TMEM71: variants seen among roughly 807,000 people sequenced by gnomAD.
TMEM71 encodes transmembrane protein 71.
TMEM71 carries 44 observed loss-of-function variants against 38.0 expected under a neutral mutation model. The observed-to-expected ratio is 1.16, with a 90% CI of 0.91 to 1.49. TMEM71 has a LOEUF of 1.49. Among genes scored for constraint, TMEM71 ranks in the 40% most tolerant of loss-of-function variants. The pLI is 0.00. For missense variants in TMEM71, 367 were observed against 348.6 expected, an observed-to-expected ratio of 1.05 and a Z score of -0.42; for synonymous variants, 133 against 122.5, an observed-to-expected ratio of 1.09 and a Z score of -0.56.
intron 5 of TMEM71, among the ~76,000 whole-genome samples, chr8:132,738,503 T>C (rs780846888): frequency 8.5e-5 from 13 of 152,342 alleles, no homozygotes; most frequent in Non-Finnish European, 1.5e-4. Context: ...TTGATTTTAA[T>C]TGCCTCAGAG....
chr8:132,718,922 C>T (rs1826687081), intron 7 of TMEM71, among the ~76,000 whole-genome samples: 1 of 151,856 alleles, frequency 6.6e-6, no homozygotes, highest in Non-Finnish European at 1.5e-5. Context: ...CGAATAAATA[C>T]AAAAAGGAAA....
intron 9 of TMEM71, among the ~76,000 whole-genome samples, chr8:132,713,671 C>T (rs976717668): frequency 5.3e-5 from 8 of 152,164 alleles, no homozygotes; most frequent in Non-Finnish European, 7.4e-5. Context: ...TATTTGGGAA[C>T]GTCTAACACA....
chr8:132,756,411 T>TTATATATATATA (rs55767264), intron 3 of TMEM71, among the ~76,000 whole-genome samples: 2,623 of 115,360 alleles, frequency 0.023, 47 homozygotes, highest in African/African-American at 0.03. Context: ...AACATATATA[T>TTATATATATATA]TATATATATA....
At chr8:132,725,915 A>G (rs1827118259) in intron 6 of TMEM71, among the ~76,000 whole-genome samples, 2 of 152,226 alleles carry the variant, frequency 1.3e-5, no homozygotes, top group Admixed American at 1.3e-4. Context: ...CTTGGCAAAG[A>G]GTACAAAGGT....
chr8:132,746,315 T>G (rs1194371756), intron 5 of TMEM71, among the ~76,000 whole-genome samples: 1 of 148,832 alleles, frequency 6.7e-6, no homozygotes, highest in Non-Finnish European at 1.5e-5. Context: ...TGAATATATA[T>G]TATATTTCAA....
At chr8:132,748,368 G>C (rs73708362) in intron 4 of TMEM71, among the ~76,000 whole-genome samples, 1 of 152,206 alleles carries the variant, frequency 6.6e-6, no homozygotes, top group African/African-American at 2.4e-5. Context: ...CAGGGAAGGA[G>C]TGCTCCTGGC....
At position 132,751,903 on chromosome 8, in the gene TMEM71, T is replaced by C. The variant is rs1828734343; in HGVS notation, c.196A>G (p.Arg66Gly). Residue 66 changes from arginine to glycine, a missense_variant, in exon 4 of 10, where the codon AGA (arginine) becomes GGA (glycine). By Grantham distance (125) the Arg-to-Gly change is moderately radical (BLOSUM62 -2). Coordinates refer to ENST00000677595, the MANE Select transcript of TMEM71 (RefSeq NM_001382403.1). The part of the protein sequence containing the change: ...GSHYTCRRSP[R>G]LLTNGYYIWT... ...ATATAGTAGCCATTGGTGAGGAGTC[T>C]GGGACTTCGGCGACAGGTATAGTGG... 7.4e-6 allele frequency: 12 copies of C among 1,614,050 alleles called. No homozygotes were observed. In the East Asian group the frequency reaches 2.7e-4, roughly 36 times the overall value.
Position 132,751,961 on chromosome 8 carries a change from A to G in TMEM71, c.138T>C (p.Phe46=), listed in dbSNP as rs199712767. ...TCAGGGGATCTATGGAGCCGCATTC[A>G]AAAGAATGGTAACCATCCAGGGAAT... ...TCDSLDGYHS[F]ECGSIDPLTG... The change falls in exon 4 of 10, where the codon TTT becomes TTC. Residue 46 remains phenylalanine (F), a synonymous_variant. Transcript: ENST00000677595. 1.6e-5 allele frequency: 26 copies of G among 1,614,130 alleles called. No individual in the cohort carries two copies. In the Admixed American group the frequency reaches 3.5e-4, roughly 22 times the overall value.
chr8:132,747,190 G>T, intron 4 of TMEM71, 76 bp from the exon 5 acceptor site: 1 of 1,303,230 alleles, frequency 7.7e-7, no homozygotes. Flanking sequence ...GAAGCGCAGA[G>T]TACATTTCTA....
At chr8:132,721,972 A>G in intron 7 of TMEM71, 68 bp downstream of exon 7, 1 of 1,345,434 alleles carries the variant, frequency 7.4e-7, no homozygotes, top group East Asian at 2.3e-5. Flanking sequence ...TAAGGCAAGG[A>G]AATCATCAAT....
chr8:132,768,904 T>G, the TMEM71 span, among the ~76,000 whole-genome samples: 1 of 152,264 alleles, frequency 6.6e-6, no homozygotes, highest in Non-Finnish European at 1.5e-5. Context: ...AGTGACCAGT[T>G]AGAGCCCAAA....
At chr8:132,757,582 T>C (rs950112763) in intron 2 of TMEM71, among the ~76,000 whole-genome samples, 9 of 152,024 alleles carry the variant, frequency 5.9e-5, no homozygotes, top group Non-Finnish European at 1.3e-4. Flanking sequence ...ATCTCAGAAT[T>C]TGGGAGACCG....
At chr8:132,757,349 A>G in intron 2 of TMEM71, 55 bp from the exon 3 acceptor site, 3 of 1,311,170 alleles carry the variant, frequency 2.3e-6, no homozygotes, top group South Asian at 1.2e-5. Flanking sequence ...CAACAGTTAC[A>G]TATGTTGATA....
intron 7 of TMEM71, among the ~76,000 whole-genome samples, chr8:132,718,667 G>A (rs1431051658): frequency 1.3e-5 from 2 of 150,710 alleles, no homozygotes; most frequent in Non-Finnish European, 3.0e-5. Flanking sequence ...AAAGTGCTGG[G>A]ACTACAGGCG....
At chr8:132,775,259 C>A in the TMEM71 span, 1 of 321,496 alleles carries the variant, frequency 3.1e-6, no homozygotes, top group Non-Finnish European at 5.6e-6. Context: ...CCGCAAAGCC[C>A]CGCCTCCTAC....
chr8:132,762,479 CTT>C (rs1276128872), upstream of TMEM71, among the ~76,000 whole-genome samples: 9 of 146,528 alleles, frequency 6.1e-5, no homozygotes, highest in African/African-American at 2.2e-4. Flanking sequence ...CTTTGGTCTA[CTT>C]TTTTTTTTTT....
intron 5 of TMEM71, among the ~76,000 whole-genome samples, chr8:132,746,507 G>GTA (rs1224974864): frequency 8.0e-6 from 1 of 124,448 alleles, no homozygotes; most frequent in East Asian, 2.5e-4. Flanking sequence ...ACATATATAT[G>GTA]TATATATATA....
chr8:132,756,410 A>ATATT (rs1208925392), intron 3 of TMEM71, among the ~76,000 whole-genome samples: 4 of 65,902 alleles, frequency 6.1e-5, no homozygotes, highest in East Asian at 4.9e-4. Context: ...TAACATATAT[A>ATATT]TTATATATAT....
At chr8:132,775,988 C>G in the TMEM71 span, among the ~76,000 whole-genome samples, 1 of 152,158 alleles carries the variant, frequency 6.6e-6, no homozygotes. Context: ...CATTGTCGGT[C>G]TCTATGTCTT....
Sources: gnomAD v4.1 joint callset for allele counts (sites outside exome capture counted in the v4.1 genomes callset) on GRCh38, gnomAD v4.1.1 for gene constraint, MANE v1.5 for transcripts, NCBI Gene and HGNC (gene_info 2026-07-23, HGNC 2026-07-21) for gene names.